The following PAK5 variants were observed in gnomAD, a reference collection of about 807,000 sequenced individuals.
PAK5 encodes the protein serine/threonine-protein kinase PAK 5.
A neutral mutation model predicts 65.9 loss-of-function variants in PAK5; 16 were observed. The observed-to-expected ratio is 0.24, with a 90% CI of 0.16 to 0.37. The LOEUF is 0.37. PAK5 is among the 10% of genes least tolerant of loss of function. PAK5 has a pLI of 1.00. For missense variants in PAK5, 785 were observed against 903.9 expected (o/e 0.87, Z 1.69); for synonymous variants, 371 against 354.9 (o/e 1.05, Z -0.51).
Position 9,661,052 on chromosome 20 carries a change from T to C in PAK5, c.-11-16713A>G, listed in dbSNP as rs138318585. On this transcript the variant is annotated intron_variant, in intron 2 of 9. Transcript: ENST00000353224. Reference sequence around the variant, plus strand: ...CATTTTGACAAAGCTCTCCAGATGATTCTGATGTGCACTCAAGTCTGAGCA... The same window carrying C: ...CATTTTGACAAAGCTCTCCAGATGACTCTGATGTGCACTCAAGTCTGAGCA... Among the ~76,000 whole-genome samples, 983 of 152,280 alleles carry C rather than the reference T, an allele frequency of 6.5e-3. 11 individuals are homozygous for C. Among genetic ancestry groups the C allele is most frequent in the African/African-American group, 0.023 (945 of 41,564 alleles).
At chr20:9,542,782 TC>T in intron 8 of PAK5, 62 bp from the exon 9 acceptor site, 1 of 1,477,374 alleles carries the variant, frequency 6.8e-7, no homozygotes, top group Non-Finnish European at 9.4e-7. Flanking sequence ...GTCAAGTGTG[TC>T]CACAGAACCT....
At chr20:9,835,601 G>C (rs723118) in intron 1 of PAK5, among the ~76,000 whole-genome samples, 65,030 of 151,980 alleles carry the variant, frequency 0.43, 15,309 homozygotes, top group African/African-American at 0.63. Context: ...CAAGGAACCA[G>C]GGGTCTTGTT....
chr20:9,767,772 T>C (rs566996187), intron 1 of PAK5, among the ~76,000 whole-genome samples: 1 of 152,324 alleles, frequency 6.6e-6, no homozygotes, highest in Admixed American at 6.5e-5. Flanking sequence ...CCCTTCTCCT[T>C]GTACCTGGGA....
At chr20:9,606,129 A>T (rs751478633) in intron 3 of PAK5, among the ~76,000 whole-genome samples, 4 of 152,036 alleles carry the variant, frequency 2.6e-5, no homozygotes, top group Non-Finnish European at 5.9e-5. Context: ...TGGGGGGTGA[A>T]CTTCTCATGA....
chr20:9,800,418 A>G (rs1569093343), intron 1 of PAK5, among the ~76,000 whole-genome samples: 1 of 152,102 alleles, frequency 6.6e-6, no homozygotes. Context: ...TAAATTTATG[A>G]CCATTTATTG....
intron 1 of PAK5, among the ~76,000 whole-genome samples, chr20:9,714,672 C>T (rs2048120693): frequency 6.6e-6 from 1 of 152,138 alleles, no homozygotes; most frequent in Non-Finnish European, 1.5e-5. Context: ...GTAACCAAAA[C>T]AGCATGGTAC....
At chr20:9,545,123 G>A (rs2122896498) in intron 7 of PAK5, among the ~76,000 whole-genome samples, 1 of 152,282 alleles carries the variant, frequency 6.6e-6, no homozygotes, top group South Asian at 2.1e-4. Context: ...TGGAAACACA[G>A]GCATAGAACC....
chr20:9,626,364 C>T (rs916032809), intron 3 of PAK5, among the ~76,000 whole-genome samples: 1 of 152,182 alleles, frequency 6.6e-6, no homozygotes, highest in East Asian at 1.9e-4. Flanking sequence ...CTAACTGCAG[C>T]GAACTTACAA....
At chr20:9,604,321 A>G (rs6039523) in intron 3 of PAK5, among the ~76,000 whole-genome samples, 6,606 of 152,188 alleles carry the variant, frequency 0.043, 455 homozygotes, top group African/African-American at 0.15. Flanking sequence ...ACTGCATGCT[A>G]TTTGCAAGCA....
intron 4 of PAK5, among the ~76,000 whole-genome samples, chr20:9,570,303 C>G (rs1314828979): frequency 6.6e-6 from 1 of 152,148 alleles, no homozygotes; most frequent in African/African-American, 2.4e-5. Flanking sequence ...TGAAGACATA[C>G]AATGCCCCTG....
intron 4 of PAK5, among the ~76,000 whole-genome samples, chr20:9,571,330 A>G (rs2045776901): frequency 6.6e-6 from 1 of 152,138 alleles, no homozygotes; most frequent in Non-Finnish European, 1.5e-5. Context: ...CAGCCCACAC[A>G]CTTTCAACAG....
At chr20:9,550,291 A>G (rs1042988275) in intron 7 of PAK5, among the ~76,000 whole-genome samples, 1 of 152,192 alleles carries the variant, frequency 6.6e-6, no homozygotes, top group Non-Finnish European at 1.5e-5. Flanking sequence ...TGTGATGTAC[A>G]GCAGAGGTGA....
chr20:9,547,401 G>C (rs1185202691), intron 7 of PAK5, among the ~76,000 whole-genome samples: 1 of 152,126 alleles, frequency 6.6e-6, no homozygotes, highest in African/African-American at 2.4e-5. Context: ...CTACCTGCCA[G>C]GTAACACTTT....
At chr20:9,550,023 T>C (rs1398806519) in intron 7 of PAK5, among the ~76,000 whole-genome samples, 1 of 152,190 alleles carries the variant, frequency 6.6e-6, no homozygotes, top group Non-Finnish European at 1.5e-5. Flanking sequence ...CTAAATTGAT[T>C]GACACCTGTC....
intron 1 of PAK5, among the ~76,000 whole-genome samples, chr20:9,768,620 T>TA (rs1164461655): frequency 6.6e-6 from 1 of 151,740 alleles, no homozygotes; most frequent in Non-Finnish European, 1.5e-5. Context: ...CTGTCTCTAC[T>TA]AAAAATACAA....
chr20:9,813,946 T>G (rs550061247), intron 1 of PAK5, among the ~76,000 whole-genome samples: 1 of 152,280 alleles, frequency 6.6e-6, no homozygotes, highest in Non-Finnish European at 1.5e-5. Flanking sequence ...AAAATTACTT[T>G]AAATAAAAAT....
At chr20:9,691,009 C>G (rs2047789541) in intron 2 of PAK5, among the ~76,000 whole-genome samples, 1 of 152,008 alleles carries the variant, frequency 6.6e-6, no homozygotes. Context: ...CCTGCCTCGG[C>G]CTCCCAAAGT....
intron 1 of PAK5, among the ~76,000 whole-genome samples, chr20:9,821,987 C>T (rs1359567610): frequency 1.3e-5 from 2 of 152,146 alleles, no homozygotes; most frequent in East Asian, 1.9e-4. Flanking sequence ...ACTGGTCCAC[C>T]AGTACCCTAC....
rs140183185 is a variant in PAK5, at chr20:9,622,133, A to G, written c.204+21992T>C. On this transcript the variant is annotated intron_variant, in intron 3 of 9. Transcript: ENST00000353224. ...ATATAATTCACTCATTAGCAAAACC[A>G]AAACCAAATATATACGTGATTATAT... is the stretch of plus-strand genomic sequence containing the variant. Among the ~76,000 whole-genome samples the G allele has an allele frequency of 6.9e-3, 1,047 of 152,312 alleles. 3 individuals carry two copies. The highest frequency in any genetic ancestry group is 0.012 in the Non-Finnish European group (801 of 68,018).
Sources: allele counts gnomAD v4.1 joint callset (sites outside exome capture counted in the v4.1 genomes callset), GRCh38; gene constraint gnomAD v4.1.1; transcripts MANE v1.5; gene names NCBI Gene and HGNC (gene_info 2026-07-23, HGNC 2026-07-21).